The following HCN1 variants were observed in gnomAD, a reference collection of about 807,000 sequenced individuals.
The protein encoded by HCN1 is hyperpolarization activated cyclic nucleotide gated potassium channel 1.
In HCN1, 13 loss-of-function variants were observed where a neutral mutation model predicts 78.9. The ratio of observed to expected loss-of-function variants is 0.16; its 90% CI spans 0.11 to 0.26. HCN1 has a LOEUF of 0.26. Ranked by LOEUF, HCN1 falls within the 10% of genes least tolerant of loss-of-function variation. The pLI is 1.00. For synonymous variants in HCN1, 552 were observed against 455.5 expected, an observed-to-expected ratio of 1.21 and a Z score of -2.70; for missense variants, 810 against 1,154.3, an observed-to-expected ratio of 0.70 and a Z score of 4.32.
chr5:45,375,982 T>TTATATATGATATAATATTTTATCACA (rs1747641168), intron 4 of HCN1, among the ~76,000 whole-genome samples: 7 of 111,346 alleles, frequency 6.3e-5, no homozygotes, highest in African/African-American at 2.2e-4. Context: ...ATCACATATA[T>TTATATATGATATAATATTTTATCACA]TATATATGAT....
chr5:45,278,605 G>C (rs901495068), intron 6 of HCN1, among the ~76,000 whole-genome samples: 11 of 152,050 alleles, frequency 7.2e-5, no homozygotes, highest in African/African-American at 2.7e-4. Flanking sequence ...AGTTTAAAAA[G>C]TTTGTATGTA....
At chr5:45,479,181 G>A (rs1741590139) in intron 2 of HCN1, among the ~76,000 whole-genome samples, 1 of 151,976 alleles carries the variant, frequency 6.6e-6, no homozygotes, top group Non-Finnish European at 1.5e-5. Flanking sequence ...GAAGAGTCTG[G>A]CAGTGAGATG....
intron 2 of HCN1, among the ~76,000 whole-genome samples, chr5:45,466,229 C>T (rs902308288): frequency 3.3e-5 from 5 of 152,188 alleles, no homozygotes; most frequent in South Asian, 2.1e-4. Flanking sequence ...CTGGATTCAT[C>T]GGTCTTTCAA....
At chr5:45,621,249 C>A (rs1745055393) in intron 2 of HCN1, among the ~76,000 whole-genome samples, 1 of 151,956 alleles carries the variant, frequency 6.6e-6, no homozygotes, top group Non-Finnish European at 1.5e-5. Flanking sequence ...AATCTTTATT[C>A]CAGAAACTGG....
chr5:45,443,243 C>A (rs1740718629), intron 3 of HCN1, among the ~76,000 whole-genome samples: 2 of 152,030 alleles, frequency 1.3e-5, no homozygotes. Flanking sequence ...TGCATTAATT[C>A]CATAGCCAAG....
chr5:45,563,477 TAAAA>T (rs1302707662), intron 2 of HCN1, among the ~76,000 whole-genome samples: 2 of 151,554 alleles, frequency 1.3e-5, no homozygotes, highest in African/African-American at 4.8e-5. Context: ...TAAAATAAAA[TAAAA>T]AATATATATA....
At chr5:45,337,023 T>C (rs996734598) in intron 5 of HCN1, among the ~76,000 whole-genome samples, 66 of 152,060 alleles carry the variant, frequency 4.3e-4, no homozygotes, top group Admixed American at 2.8e-3. Flanking sequence ...AGTAGCAATA[T>C]AAAAGAAAAA....
Position 45,368,802 on chromosome 5 carries a change from C to T in HCN1, c.1231-15556G>A, listed in dbSNP as rs149734470. ...TGCCATATTTTTTTCTCTCATACAC[C>T]GCTTCTGTCAGCAAATTTTATTAGA... On this transcript the variant is annotated intron_variant, in intron 4 of 7. Coordinates refer to ENST00000303230, the MANE Select transcript of HCN1 (RefSeq NM_021072.4). 3.3e-5 allele frequency among the ~76,000 whole-genome samples: 5 copies of T among 152,108 alleles called. No individual in the cohort carries two copies. The East Asian group carries it at 7.7e-4, about 24-fold the overall frequency.
chr5:45,383,072 A>T (rs1747840232), intron 4 of HCN1, among the ~76,000 whole-genome samples: 1 of 152,204 alleles, frequency 6.6e-6, no homozygotes, highest in South Asian at 2.1e-4. Flanking sequence ...AACTACTATT[A>T]GAGATGAAGA....
chr5:45,440,194 T>G (rs974268273), intron 3 of HCN1, among the ~76,000 whole-genome samples: 1 of 151,870 alleles, frequency 6.6e-6, no homozygotes, highest in African/African-American at 2.4e-5. Context: ...TTTTAGTTTA[T>G]CTTCACTGAT....
chr5:45,374,407 G>T (rs1474350475), intron 4 of HCN1, among the ~76,000 whole-genome samples: 1 of 145,714 alleles, frequency 6.9e-6, no homozygotes, highest in Non-Finnish European at 1.5e-5. Context: ...ATGAAGAAAT[G>T]GGTAAATTCC....
Position 45,262,611 on chromosome 5 carries a change from C to A in HCN1, c.1983G>T (p.Arg661Ser). 1 of 1,613,796 alleles carries A rather than the reference C, an allele frequency of 6.2e-7. No homozygotes were observed. The highest frequency in any genetic ancestry group is 1.1e-5 in the South Asian group (1 of 91,048). The change falls in exon 8 of 8, where the codon AGG becomes AGT. Residue 661 changes from arginine to serine, a missense_variant. Around this residue, in one of 6 missense-constraint regions of HCN1, gnomAD observed 398 missense variants for 381.3 expected, o/e 1.04. Transcript: ENST00000303230. ...SSTTTPTSRM[R>S]TQSPPVYTAT... is the part of the protein sequence containing the mutation. ...CTGTGTACACCGGTGGAGATTGTGT[C>A]CTCATGCGGGAGGTCGGGGTCGTAG...
At position 45,537,753 on chromosome 5, in the gene HCN1, C is replaced by T. The variant is rs140285463; in HGVS notation, c.850-75746G>A. ...CACTCTGTTACCTTCCTATCTTCTT[C>T]TCTTCTTACTTGAGTATTTGATCTG... On this transcript the variant is annotated intron_variant, in intron 2 of 7. Transcript: ENST00000303230. Among the ~76,000 whole-genome samples, 48 of 151,904 alleles carry T rather than the reference C, an allele frequency of 3.2e-4. 1 individual carries two copies. In the East Asian group the frequency reaches 7.2e-3, roughly 23 times the overall value.
intron 4 of HCN1, among the ~76,000 whole-genome samples, chr5:45,392,032 A>C (rs1739575922): frequency 6.6e-6 from 1 of 152,112 alleles, no homozygotes; most frequent in Admixed American, 6.6e-5. Context: ...AAGGATCCTT[A>C]AGAGTTGATT....
chr5:45,418,327 T>A (rs1380077724), intron 3 of HCN1, among the ~76,000 whole-genome samples: 1 of 151,220 alleles, frequency 6.6e-6, no homozygotes, highest in Non-Finnish European at 1.5e-5. Flanking sequence ...TACGTTTTTC[T>A]ACATTATACA....
chr5:45,404,691 T>G, intron 3 of HCN1, among the ~76,000 whole-genome samples: 1 of 56,804 alleles, frequency 1.8e-5, no homozygotes, highest in Non-Finnish European at 3.5e-5. Context: ...AAGGGCTATT[T>G]GCAAAAAAAA....
At chr5:45,472,814 C>T (rs1339553276) in intron 2 of HCN1, among the ~76,000 whole-genome samples, 1 of 151,848 alleles carries the variant, frequency 6.6e-6, no homozygotes, top group Non-Finnish European at 1.5e-5. Flanking sequence ...ATTTGAATAC[C>T]CATTCATTCC....
At chr5:45,584,597 C>T (rs932150022) in intron 2 of HCN1, among the ~76,000 whole-genome samples, 1 of 152,052 alleles carries the variant, frequency 6.6e-6, no homozygotes, top group Non-Finnish European at 1.5e-5. Context: ...TATTTTGCTC[C>T]TTAGTTGATG....
At chr5:45,573,332 G>C (rs1187444928) in intron 2 of HCN1, among the ~76,000 whole-genome samples, 1 of 151,850 alleles carries the variant, frequency 6.6e-6, no homozygotes, top group African/African-American at 2.4e-5. Context: ...CAATACCCAG[G>C]CTGACTAAGG....
Sources: allele counts gnomAD v4.1 joint callset (sites outside exome capture counted in the v4.1 genomes callset), GRCh38; gene constraint gnomAD v4.1.1; regional missense constraint gnomAD v4.1.1; transcripts MANE v1.5; gene names NCBI Gene and HGNC (gene_info 2026-07-23, HGNC 2026-07-21).